Variants in SPTB observed in about 807,000 individuals in gnomAD.
The protein encoded by SPTB is spectrin beta, erythrocytic.
Under a neutral mutation model 256.2 loss-of-function variants are expected in SPTB, and 45 were observed. That is an observed-to-expected ratio of 0.18 (90% CI 0.14 to 0.23). The LOEUF (loss-of-function observed/expected upper bound fraction) is 0.23. Ranked by LOEUF, SPTB falls within the 10% of genes least tolerant of loss-of-function variation. The pLI is 1.00. For missense variants in SPTB, 2,715 were observed against 3,040.4 expected (o/e 0.89, Z 2.52); for synonymous variants, 1,231 against 1,243.1 (o/e 0.99, Z 0.21).
rs1233816568 is a variant in SPTB at position 64,806,317 on chromosome 14, G to A, written c.149-1227C>T. ...TAGGTTTGAAGATTCAGGGAAGGAG[G>A]TGACTTGGCAGTGAGGCTGGGCCTG... On this transcript the variant is annotated intron_variant, in intron 2 of 35. Transcript: ENST00000644917. This position sits in a 1 kb window ranked among gnomAD's most constrained non-coding sequence, Gnocchi z 4.1. 1.3e-5 allele frequency among the ~76,000 whole-genome samples: 2 copies of A among 152,196 alleles called. No individual in the cohort carries two copies. Among genetic ancestry groups the A allele is most frequent in the Non-Finnish European group, 2.9e-5 (2 of 68,044 alleles).
At chr14:64,814,681 A>T (rs559059427) in intron 2 of SPTB, among the ~76,000 whole-genome samples, 2 of 151,800 alleles carry the variant, frequency 1.3e-5, no homozygotes, top group Non-Finnish European at 2.9e-5. Flanking sequence ...ACACCCAGCT[A>T]ATTTTTTGTA....
chr14:64,758,457 A>G lies in SPTB; in HGVS notation c.6346-4664T>C, dbSNP rs1274773661. 2.6e-5 allele frequency among the ~76,000 whole-genome samples: 4 copies of G among 152,230 alleles called. No homozygotes were observed. The East Asian group carries it at 7.7e-4, about 29-fold the overall frequency. The stretch of plus-strand genomic sequence containing the variant: ...AGAAGTGGCCTGAGGCCCTGCCTCA[A>G]GGCTTGGAGTGGGGCACTGAGGTGG... On this transcript the variant is annotated intron_variant, in intron 32 of 35. Coordinates refer to ENST00000644917, the MANE Select transcript of SPTB (RefSeq NM_001355436.2). The surrounding 1 kb of genome is among the most constrained non-coding windows in gnomAD (Gnocchi z 4.6).
chr14:64,802,000 A>T (rs45617438), intron 5 of SPTB, among the ~76,000 whole-genome samples, 166 bp from the exon 6 acceptor site: 3 of 152,312 alleles, frequency 2.0e-5, no homozygotes, highest in African/African-American at 7.2e-5. Context: ...CTCCCCCATC[A>T]GATGTGAACA....
rs1566752360 is a variant in SPTB, at chr14:64,779,860, TC to T, written c.4337del (p.Gly1446GlufsTer9). On this transcript the variant is annotated frameshift_variant, in exon 21 of 36. Coordinates refer to ENST00000644917, the MANE Select transcript of SPTB (RefSeq NM_001355436.2). LOFTEE classifies it high-confidence loss of function. This position sits in a 1 kb window ranked among gnomAD's most constrained non-coding sequence, Gnocchi z 4.2. ...GELFAQVPSM[G>X]EEGGDADLSI... ...TCAAGTCTGCATCTCCTCCCTCCTCTCCCATTGAAGGCACCTGGGCAAACAG... is the reference window on the plus strand; with the variant it reads ...TCAAGTCTGCATCTCCTCCCTCCTCTCCATTGAAGGCACCTGGGCAAACAG... The T allele has an allele frequency of 6.2e-7, 1 of 1,614,098 alleles. No homozygotes were observed.
chr14:64,871,672 C>T (rs945140259), intron 1 of SPTB, among the ~76,000 whole-genome samples: 1 of 152,216 alleles, frequency 6.6e-6, no homozygotes, highest in African/African-American at 2.4e-5. Context: ...AATGCTTGCA[C>T]ATGAATGGAA....
chr14:64,774,312 C>G, intron 24 of SPTB, 85 bp downstream of exon 24: 1 of 1,492,974 alleles, frequency 6.7e-7, no homozygotes, highest in Non-Finnish European at 9.0e-7. Context: ...TTCCATTTTC[C>G]TTTTAAATCT....
intron 2 of SPTB, among the ~76,000 whole-genome samples, chr14:64,822,475 T>G (rs1248999432): frequency 6.7e-6 from 1 of 149,192 alleles, no homozygotes; most frequent in Non-Finnish European, 1.5e-5. Context: ...ATCAAGAAAA[T>G]CCTTCCTGAG....
At chr14:64,805,167 C>G (rs1407357073) in intron 2 of SPTB, 77 bp from the exon 3 acceptor site, 21 of 1,557,258 alleles carry the variant, frequency 1.3e-5, no homozygotes, top group Non-Finnish European at 1.9e-5. Context: ...GGGGTTTTAC[C>G]TTAAGCCCAG....
chr14:64,836,790 C>T (rs1387303110), intron 1 of SPTB, among the ~76,000 whole-genome samples: 1 of 152,190 alleles, frequency 6.6e-6, no homozygotes, highest in Non-Finnish European at 1.5e-5. Flanking sequence ...TCAATTAGTA[C>T]ATGTTAATTG....
intron 1 of SPTB, among the ~76,000 whole-genome samples, chr14:64,879,503 G>A (rs1397247020): frequency 6.6e-6 from 1 of 152,196 alleles, no homozygotes; most frequent in African/African-American, 2.4e-5. Flanking sequence ...GCGCCCCGGG[G>A]TGACGGACTC....
At chr14:64,876,266 C>T (rs187471157) in intron 1 of SPTB, among the ~76,000 whole-genome samples, 7 of 152,202 alleles carry the variant, frequency 4.6e-5, no homozygotes, top group Admixed American at 2.6e-4. Context: ...CTCAGCCTCC[C>T]GAGTAGCTGG....
In SPTB at chr14:64,793,400, G is replaced by A. The variant is rs1419936225; in HGVS notation, c.2263C>T (p.Leu755=). ...FFQFQGDADD[L]KAWLQDAHRL... Reference sequence around the variant, plus strand: ...TGGGCGTCTTGCAGCCAAGCCTTCAGGTCATCCGCATCGCCCTGGAACTGG... The same window carrying A: ...TGGGCGTCTTGCAGCCAAGCCTTCAAGTCATCCGCATCGCCCTGGAACTGG... Residue 755 remains leucine, a synonymous_variant, in exon 14 of 36, where the codon CTG becomes TTG. Transcript: ENST00000644917. The surrounding 1 kb of genome is among the most constrained non-coding windows in gnomAD (Gnocchi z 7.0). The A allele has an allele frequency of 1.7e-5, 28 of 1,613,286 alleles. No individual in the cohort carries two copies. Among genetic ancestry groups the A allele is most frequent in the Non-Finnish European group, 2.4e-5 (28 of 1,180,042 alleles).
chr14:64,861,776 A>G (rs2083975238), intron 1 of SPTB, among the ~76,000 whole-genome samples: 1 of 152,188 alleles, frequency 6.6e-6, no homozygotes. Flanking sequence ...TCATGCCTCC[A>G]CGAAAATTGC....
intron 33 of SPTB, among the ~76,000 whole-genome samples, chr14:64,751,134 C>T (rs1000756996): frequency 4.8e-5 from 7 of 145,586 alleles, no homozygotes; most frequent in African/African-American, 1.8e-4. Flanking sequence ...ATATAATATA[C>T]ATATTTTTAG....
At position 64,807,053 on chromosome 14, in the gene SPTB, A is replaced by G. The variant is rs1299028236; in HGVS notation, c.149-1963T>C. Among the ~76,000 whole-genome samples, 10 of 152,224 alleles carry G rather than the reference A, an allele frequency of 6.6e-5. No homozygotes were observed. The highest frequency in any genetic ancestry group is 5.9e-4 in the Admixed American group (9 of 15,286). ...GGGAGTTTGATGCCATACTGGACGG[A>G]AAGCAATTGCACTTATTTTGGGGCA... On this transcript the variant is annotated intron_variant, in intron 2 of 35. Transcript: ENST00000644917. The surrounding 1 kb of genome is among the most constrained non-coding windows in gnomAD (Gnocchi z 4.7).
At chr14:64,773,185 G>C in intron 25 of SPTB, 35 bp downstream of exon 25, 1 of 1,613,584 alleles carries the variant, frequency 6.2e-7, no homozygotes, top group South Asian at 1.1e-5. Flanking sequence ...CCGCATTAGA[G>C]AAAGACAAAA....
At chr14:64,782,598 C>T in intron 19 of SPTB, 45 bp from the exon 20 acceptor site, 1 of 1,610,196 alleles carries the variant, frequency 6.2e-7, no homozygotes, top group Non-Finnish European at 8.5e-7. Context: ...GCTGACTGGG[C>T]CTTGGATCAG....
chr14:64,809,800 AG>A (rs1327269355), intron 2 of SPTB, among the ~76,000 whole-genome samples: 2 of 152,348 alleles, frequency 1.3e-5, no homozygotes, highest in Admixed American at 1.3e-4. Context: ...TACATCTCAA[AG>A]GAAGTATGCA....
Position 64,834,468 on chromosome 14 carries a change from C to T in SPTB, c.-51-11323G>A, listed in dbSNP as rs144061611. On this transcript the variant is annotated intron_variant, in intron 1 of 35. Transcript: ENST00000644917. ...TAGACATCGTTTCAATCCTGTTGTCCGGGCTGGAGTGCAGTGGCATGATCT... is the reference window on the plus strand; with the variant it reads ...TAGACATCGTTTCAATCCTGTTGTCTGGGCTGGAGTGCAGTGGCATGATCT... Among the ~76,000 whole-genome samples, 380 of 151,558 alleles carry T rather than the reference C, an allele frequency of 2.5e-3. 2 individuals carry two copies. Among genetic ancestry groups the T allele is most frequent in the African/African-American group, 8.7e-3 (358 of 41,246 alleles).
Sources: gnomAD v4.1 joint callset for allele counts (sites outside exome capture counted in the v4.1 genomes callset) on GRCh38, gnomAD v4.1.1 for gene constraint, Gnocchi (gnomAD v3.1) non-coding constraint, MANE v1.5 for transcripts, NCBI Gene and HGNC (gene_info 2026-07-23, HGNC 2026-07-21) for gene names.